The following CDC42SE2 variants were observed in gnomAD, a reference collection of about 807,000 sequenced individuals.
CDC42SE2 encodes CDC42 small effector protein 2.
Under a neutral mutation model 11.5 loss-of-function variants are expected in CDC42SE2, and 3 were observed. That is an observed-to-expected ratio of 0.26 (90% CI 0.12 to 0.67). The LOEUF (loss-of-function observed/expected upper bound fraction) is 0.67. Ranked by LOEUF, CDC42SE2 falls within the 30% of genes least tolerant of loss-of-function variation. CDC42SE2 has a pLI of 0.80. For synonymous variants in CDC42SE2, 33 were observed against 34.8 expected, an observed-to-expected ratio of 0.95 and a Z score of 0.18; for missense variants, 82 against 106.8, an observed-to-expected ratio of 0.77 and a Z score of 1.02.
intron 1 of CDC42SE2, among the ~76,000 whole-genome samples, chr5:131,314,912 A>G (rs1283951018): frequency 2.6e-5 from 4 of 152,172 alleles, no homozygotes; most frequent in African/African-American, 4.8e-5. Context: ...TTTATAGGCA[A>G]TTTCAGCAAA....
At chr5:131,343,487 C>T (rs1310351907) in intron 2 of CDC42SE2, among the ~76,000 whole-genome samples, 10 of 151,932 alleles carry the variant, frequency 6.6e-5, no homozygotes, top group Admixed American at 2.0e-4. Flanking sequence ...CCAGGGCAGG[C>T]GGATCTCCTG....
At chr5:131,337,382 G>T (rs1039965469) in intron 2 of CDC42SE2, among the ~76,000 whole-genome samples, 3 of 152,196 alleles carry the variant, frequency 2.0e-5, no homozygotes, top group South Asian at 2.1e-4. Flanking sequence ...TGCCCCTACT[G>T]GGGGGTGCCT....
chr5:131,277,907 T>C (rs11743851), intron 1 of CDC42SE2, among the ~76,000 whole-genome samples: 36,609 of 152,122 alleles, frequency 0.24, 5,842 homozygotes, highest in Non-Finnish European at 0.37. Flanking sequence ...CCTTGCTGTC[T>C]ACAATGCCCG....
chr5:131,371,897 T>C (rs1750021236), intron 3 of CDC42SE2, among the ~76,000 whole-genome samples: 1 of 152,256 alleles, frequency 6.6e-6, no homozygotes, highest in Non-Finnish European at 1.5e-5. Flanking sequence ...TGTTAATTAT[T>C]ATCTGCCATT....
chr5:131,260,923 A>G (rs1295871177), upstream of CDC42SE2, among the ~76,000 whole-genome samples: 1 of 152,274 alleles, frequency 6.6e-6, no homozygotes, highest in African/African-American at 2.4e-5. Flanking sequence ...AACAAGAGCA[A>G]GACTCCATCT....
intron 1 of CDC42SE2, among the ~76,000 whole-genome samples, chr5:131,285,105 T>TA (rs1006640113): frequency 6.8e-6 from 1 of 146,180 alleles, no homozygotes; most frequent in Non-Finnish European, 1.5e-5. Flanking sequence ...TTGGACAACA[T>TA]AAAAAAACCC....
chr5:131,363,252 A>C (rs1347616578), intron 3 of CDC42SE2, among the ~76,000 whole-genome samples: 1 of 141,652 alleles, frequency 7.1e-6, no homozygotes. Context: ...AAAAACAAGG[A>C]ACCCTGATTT....
intron 2 of CDC42SE2, among the ~76,000 whole-genome samples, chr5:131,317,998 T>G (rs969949014): frequency 6.6e-6 from 1 of 152,144 alleles, no homozygotes; most frequent in African/African-American, 2.4e-5. Flanking sequence ...TAGGCCTATG[T>G]GTTTGAGCCC....
the CDC42SE2 span, among the ~76,000 whole-genome samples, chr5:131,224,021 C>A: frequency 2.6e-5 from 4 of 152,172 alleles, no homozygotes; most frequent in Non-Finnish European, 5.9e-5. Flanking sequence ...GTTGCCAGGA[C>A]AGCATACCCT....
intron 2 of CDC42SE2, among the ~76,000 whole-genome samples, chr5:131,326,913 T>G (rs1758312375): frequency 6.6e-6 from 1 of 152,152 alleles, no homozygotes; most frequent in African/African-American, 2.4e-5. Flanking sequence ...TGGCCTGCCT[T>G]AAATTTTATT....
At chr5:131,276,322 A>G (rs1284608250) in intron 1 of CDC42SE2, among the ~76,000 whole-genome samples, 2 of 150,578 alleles carry the variant, frequency 1.3e-5, no homozygotes, top group African/African-American at 4.9e-5. Flanking sequence ...AGGCCTGTAC[A>G]CCCATAGTCC....
Position 131,392,434 on chromosome 5 carries a change from A to G in CDC42SE2, c.*1343A>G, listed in dbSNP as rs1295439971. The G allele has an allele frequency of 6.5e-6, 1 of 152,716 alleles. No individual in the cohort carries two copies. Among genetic ancestry groups the G allele is most frequent in the Admixed American group, 6.5e-5 (1 of 15,278 alleles). 9.5% of individuals were successfully genotyped at this position (152,716 alleles called of 1,614,324 possible). On this transcript the variant is annotated 3_prime_UTR_variant, in exon 5 of 5. Coordinates refer to ENST00000505065, the MANE Select transcript of CDC42SE2 (RefSeq NM_001375635.1). The stretch of plus-strand genomic sequence containing the variant: ...CATGGGCTGATGATGCTGCTATTAG[A>G]TAAAGTTTAGCTGTGGCACCAAGTC...
At chr5:131,331,819 C>A (rs1265352286) in intron 2 of CDC42SE2, among the ~76,000 whole-genome samples, 1 of 152,146 alleles carries the variant, frequency 6.6e-6, no homozygotes, top group African/African-American at 2.4e-5. Context: ...ATCATAACAT[C>A]ATTATCAAAG....
intron 1 of CDC42SE2, among the ~76,000 whole-genome samples, chr5:131,302,525 G>A (rs573497989): frequency 2.0e-3 from 298 of 151,710 alleles, no homozygotes; most frequent in African/African-American, 7.0e-3. Flanking sequence ...CATGTTGGCC[G>A]GGCTGGTCTT....
At chr5:131,358,051 A>G (rs1025112235) in intron 2 of CDC42SE2, among the ~76,000 whole-genome samples, 14 of 152,028 alleles carry the variant, frequency 9.2e-5, no homozygotes, top group South Asian at 2.1e-4. Context: ...CTCTTTTTCT[A>G]CCTATGATTT....
At chr5:131,335,000 T>G (rs936126396) in intron 2 of CDC42SE2, among the ~76,000 whole-genome samples, 6 of 152,216 alleles carry the variant, frequency 3.9e-5, no homozygotes, top group African/African-American at 7.2e-5. Flanking sequence ...ATTTCTTGCC[T>G]TCTTCTAGCT....
chr5:131,285,640 G>C (rs1478970987), intron 1 of CDC42SE2, among the ~76,000 whole-genome samples: 1 of 152,094 alleles, frequency 6.6e-6, no homozygotes, highest in East Asian at 1.9e-4. Context: ...CTCTATTCTA[G>C]GATTTTTAGG....
At chr5:131,211,125 C>T in the CDC42SE2 span, among the ~76,000 whole-genome samples, 1 of 152,242 alleles carries the variant, frequency 6.6e-6, no homozygotes, top group African/African-American at 2.4e-5. Flanking sequence ...ATGTGAGCCA[C>T]CGCGCCCTGC....
intron 3 of CDC42SE2, among the ~76,000 whole-genome samples, chr5:131,376,320 A>G (rs1160243705): frequency 1.3e-5 from 2 of 152,148 alleles, no homozygotes; most frequent in Non-Finnish European, 2.9e-5. Context: ...TGAGACAAGA[A>G]GTGAGAGTTT....
Sources: gnomAD v4.1 joint callset for allele counts (sites outside exome capture counted in the v4.1 genomes callset) on GRCh38, gnomAD v4.1.1 for gene constraint, MANE v1.5 for transcripts, NCBI Gene and HGNC (gene_info 2026-07-23, HGNC 2026-07-21) for gene names.